Variants in PROM2 observed in about 807,000 individuals in gnomAD.
PROM2 encodes the protein prominin 2.
PROM2 carries 90 observed loss-of-function variants against 110.2 expected under a neutral mutation model. The observed-to-expected ratio is 0.82, with a 90% confidence interval of 0.69 to 0.97. The LOEUF (loss-of-function observed/expected upper bound fraction) is 0.97. Ranked by LOEUF, PROM2 falls within the 50% of genes least tolerant of loss-of-function variation. The pLI, the probability that PROM2 is intolerant of heterozygous loss-of-function variation, is 0.00. For synonymous variants in PROM2, 470 were observed against 467.8 expected (o/e 1.00, Z -0.06); for missense variants, 1,009 against 1,074.8 (o/e 0.94, Z 0.86).
rs765769353 is a variant in PROM2, at chr2:95,287,454, TGA to T, written c.2240_2241del (p.Glu747GlyfsTer25). 2 of 1,613,772 alleles carry T rather than the reference TGA, an allele frequency of 1.2e-6. No homozygotes were observed. Among genetic ancestry groups the T allele is most frequent in the Non-Finnish European group, 1.7e-6 (2 of 1,179,918 alleles). ...TACTTCTCCCAGTACGTGGCCTGGG[TGA>T]GAGAGGAGGTGAGTGGGGCCTCAGA... On this transcript the variant is annotated frameshift_variant, in exon 20 of 24. Transcript: ENST00000317620. LOFTEE classifies it high-confidence loss of function.
At position 95,277,997 on chromosome 2, in the gene PROM2, T is replaced by A; in HGVS notation, c.1043T>A (p.Val348Asp). 1 of 1,610,114 alleles carries A rather than the reference T, an allele frequency of 6.2e-7. No individual in the cohort carries two copies. The highest frequency in any genetic ancestry group is 1.1e-5 in the South Asian group (1 of 89,748). ...GVPEANFSSM[V>D]QEENSTFNAL... ...CCCGAGGCCAACTTCTCCAGCATGG[T>A]CCAGGAGGTGAGAGCCACCTGGTCT... The change falls in exon 8 of 24, where the codon GTC (valine) becomes GAC (aspartate). Residue 348 changes from valine (V) to aspartate (D), a missense_variant. Coordinates refer to ENST00000317620, the MANE Select transcript of PROM2 (RefSeq NM_001165978.3).
At position 95,290,871 on chromosome 2, in the gene PROM2, AG is replaced by A. The variant is rs1677650383; in HGVS notation, c.*1661del. On this transcript the variant is annotated 3_prime_UTR_variant, in exon 24 of 24. Coordinates refer to ENST00000317620, the MANE Select transcript of PROM2 (RefSeq NM_001165978.3). ...TTTGTTTGTTTGTTTGTTTTGAGAC[AG>A]GGTCTCGCTCTGTCACCCAGGCTGG... is the stretch of plus-strand genomic sequence containing the variant. 1 of 153,258 alleles carries A rather than the reference AG, an allele frequency of 6.5e-6. No homozygotes were observed. The highest frequency in any genetic ancestry group is 1.5e-5 in the Non-Finnish European group (1 of 68,872). The allele number at this position is 153,258 out of a possible 1,614,324, so 9.5% of individuals were successfully genotyped here.
At chr2:95,274,924 A>G (rs1266551814) in intron 1 of PROM2, 95 bp downstream of exon 1, 2 of 1,397,124 alleles carry the variant, frequency 1.4e-6, no homozygotes. Context: ...CCAACCTACA[A>G]GCAGGCACTT....
At chr2:95,287,887 A>C (rs1236858070) in intron 20 of PROM2, among the ~76,000 whole-genome samples, 1 of 152,010 alleles carries the variant, frequency 6.6e-6, no homozygotes, top group African/African-American at 2.4e-5. Context: ...CTGTGTGTCT[A>C]TGTGTGTGTG....
rs1309583654 is a variant in PROM2 at position 95,277,349 on chromosome 2, G to A, written c.773-15G>A. 8 of 1,601,356 alleles carry A rather than the reference G, an allele frequency of 5.0e-6. No homozygotes were observed. Among genetic ancestry groups the A allele is most frequent in the Non-Finnish European group, 6.8e-6 (8 of 1,172,884 alleles). On this transcript the variant is annotated splice_polypyrimidine_tract_variant and intron_variant, in intron 6 of 23. Coordinates refer to ENST00000317620, the MANE Select transcript of PROM2 (RefSeq NM_001165978.3). ...ATATGGTGGACCCTGCTCAGGCTGGGTGTGGGTCTCTCAGTCCTGCAGGTC... is the reference window on the plus strand; with the variant it reads ...ATATGGTGGACCCTGCTCAGGCTGGATGTGGGTCTCTCAGTCCTGCAGGTC...
chr2:95,286,661 CT>C (rs1677376172), intron 17 of PROM2, 90 bp downstream of exon 17: 1 of 1,051,396 alleles, frequency 9.5e-7, no homozygotes, highest in African/African-American at 1.6e-5. Flanking sequence ...CTGAGAGTCC[CT>C]TCCCTCCCCT....
chr2:95,279,225 A>C, intron 10 of PROM2, 81 bp downstream of exon 10: 1 of 1,142,682 alleles, frequency 8.8e-7, no homozygotes, highest in Non-Finnish European at 1.2e-6. Flanking sequence ...CCTGAGCCCC[A>C]TTCCCAGCCT....
intron 12 of PROM2, 77 bp downstream of exon 12, chr2:95,281,442 G>A: frequency 1.4e-5 from 7 of 508,658 alleles, no homozygotes; most frequent in South Asian, 5.4e-5. Context: ...AGGGTTGGGG[G>A]AAAGTGGGGG....
intron 8 of PROM2, 81 bp from the exon 9 acceptor site, chr2:95,278,640 C>G: frequency 6.5e-7 from 1 of 1,543,458 alleles, no homozygotes; most frequent in Non-Finnish European, 9.0e-7. Context: ...GGCCCTCCCT[C>G]TAGGCCTGGT....
At position 95,289,970 on chromosome 2, in the gene PROM2, G is replaced by A. The variant is rs1414202289; in HGVS notation, c.*757G>A. The A allele has an allele frequency of 6.6e-6, 1 of 152,262 alleles. No individual in the cohort carries two copies. Among genetic ancestry groups the A allele is most frequent in the African/African-American group, 2.4e-5 (1 of 41,454 alleles). 9.4% of individuals were successfully genotyped at this position (152,262 alleles called of 1,614,324 possible). On this transcript the variant is annotated 3_prime_UTR_variant, in exon 24 of 24. Coordinates refer to ENST00000317620, the MANE Select transcript of PROM2 (RefSeq NM_001165978.3). ...TGAGGGAGGCCTGTCTGAAGGCCGA[G>A]CCTCCCTGCCTGCACCCAAGTTAGA...
At chr2:95,274,951 A>G in intron 1 of PROM2, 122 bp downstream of exon 1, 1 of 1,317,798 alleles carries the variant, frequency 7.6e-7, no homozygotes, top group Admixed American at 2.5e-5. Flanking sequence ...TTCCTGGGGT[A>G]GAAGGCGGAG....
In PROM2 at chr2:95,276,572, T is replaced by G. The variant is rs769022262; in HGVS notation, c.619-22T>G. The G allele has an allele frequency of 2.5e-6, 4 of 1,613,848 alleles. No homozygotes were observed. In the African/African-American group the frequency reaches 5.3e-5, roughly 22 times the overall value. ...CTGTGGGTGACCAGGAAGGGCAGCC[T>G]CAGGGCCTTGTGTTTGCCTAGGAGC... On this transcript the variant is annotated intron_variant, in intron 4 of 23. Transcript: ENST00000317620. The surrounding 1 kb of genome is among the most constrained non-coding windows in gnomAD (Gnocchi z 4.6).
intron 17 of PROM2, 56 bp downstream of exon 17, chr2:95,286,627 G>C (rs1045216575): frequency 7.3e-6 from 11 of 1,510,876 alleles, no homozygotes; most frequent in Non-Finnish European, 1.0e-5. Flanking sequence ...CGTGGAGAGG[G>C]GACAGTGAAA....
In PROM2 at chr2:95,288,470, C is replaced by T. The variant is rs140751526; in HGVS notation, c.2335-13C>T. 433 of 1,612,790 alleles carry T rather than the reference C, an allele frequency of 2.7e-4. No individual in the cohort carries two copies. The highest frequency in any genetic ancestry group is 3.5e-4 in the Non-Finnish European group (417 of 1,178,948). ...CACGTGGGTTGGTGAGCCGACCTCACGCCTTGTTGCAGAATGCCTTCTGGT... is the reference window on the plus strand; with the variant it reads ...CACGTGGGTTGGTGAGCCGACCTCATGCCTTGTTGCAGAATGCCTTCTGGT... On this transcript the variant is annotated splice_polypyrimidine_tract_variant and intron_variant, in intron 21 of 23. Transcript: ENST00000317620.
At chr2:95,285,745 G>A in intron 16 of PROM2, 35 bp downstream of exon 16, 1 of 1,563,420 alleles carries the variant, frequency 6.4e-7, no homozygotes, top group South Asian at 1.2e-5. Flanking sequence ...TGGGCAGCAG[G>A]AGCCACAGGG....
intron 10 of PROM2, 141 bp from the exon 11 acceptor site, chr2:95,279,704 C>T: frequency 1.7e-6 from 1 of 582,854 alleles, no homozygotes; most frequent in Admixed American, 3.6e-5. Context: ...AGCAGTAGGG[C>T]CTCAGGAAGA....
rs1233038535 is a variant in PROM2, at chr2:95,289,106, G to T, written c.*10+100G>T. On this transcript the variant is annotated intron_variant, in intron 23 of 23. Coordinates refer to ENST00000317620, the MANE Select transcript of PROM2 (RefSeq NM_001165978.3). The stretch of plus-strand genomic sequence containing the variant: ...GGGGTTTCCAGGGCCTAGGAGGGCA[G>T]GAAGGCTTGGGGACATGGTGGAGTC... 59 of 971,154 alleles carry T rather than the reference G, an allele frequency of 6.1e-5. 1 individual carries two copies. In the Middle Eastern group the frequency reaches 8.6e-4, roughly 14 times the overall value. 60.2% of individuals were successfully genotyped at this position (971,154 alleles called of 1,614,324 possible).
chr2:95,287,448 C>A lies in PROM2; in HGVS notation c.2228C>A (p.Ala743Asp), dbSNP rs1234965850. 1 of 1,613,984 alleles carries A rather than the reference C, an allele frequency of 6.2e-7. No homozygotes were observed. Among genetic ancestry groups the A allele is most frequent in the South Asian group, 1.1e-5 (1 of 91,072 alleles). ...ATGGGCTACTTCTCCCAGTACGTGG[C>A]CTGGGTGAGAGAGGAGGTGAGTGGG... ...REMGYFSQYV[A>D]WVREEVTQRI... Residue 743 changes from alanine (A) to aspartate (D), a missense_variant, in exon 20 of 24, where the codon GCC becomes GAC. Physicochemically the swap from Ala to Asp is moderately radical, Grantham distance 126 (BLOSUM62 -2). Coordinates refer to ENST00000317620, the MANE Select transcript of PROM2 (RefSeq NM_001165978.3).
intron 20 of PROM2, 30 bp downstream of exon 20, chr2:95,287,494 T>C (rs1215423003): frequency 1.9e-6 from 3 of 1,594,316 alleles, no homozygotes; most frequent in African/African-American, 1.3e-5. Context: ...CAATGACTGA[T>C]TCCCTGCTCC....
Sources: allele counts gnomAD v4.1 joint callset (sites outside exome capture counted in the v4.1 genomes callset), GRCh38; gene constraint gnomAD v4.1.1; non-coding constraint Gnocchi (gnomAD v3.1); transcripts MANE v1.5; gene names NCBI Gene and HGNC (gene_info 2026-07-23, HGNC 2026-07-21).